The following COL19A1 variants were observed in gnomAD, a reference collection of about 807,000 sequenced individuals.
COL19A1 encodes the protein collagen type XIX alpha 1 chain.
Under a neutral mutation model 190.2 loss-of-function variants are expected in COL19A1, and 159 were observed. The ratio of observed to expected loss-of-function variants is 0.84; its 90% CI spans 0.73 to 0.95. COL19A1 has a LOEUF of 0.95. COL19A1 is among the 40% of genes least tolerant of loss of function. The pLI, the probability that COL19A1 is intolerant of heterozygous loss-of-function variation, is 0.00. For synonymous variants in COL19A1, 509 were observed against 458.9 expected (o/e 1.11, Z -1.39); for missense variants, 1,418 against 1,431.9 (o/e 0.99, Z 0.16).
At chr6:69,967,128 A>G (rs1775158928) in intron 11 of COL19A1, among the ~76,000 whole-genome samples, 1 of 152,214 alleles carries the variant, frequency 6.6e-6, no homozygotes, top group Admixed American at 6.5e-5. Flanking sequence ...GATTGTGAGA[A>G]ACATCCAGTG....
intron 9 of COL19A1, among the ~76,000 whole-genome samples, chr6:69,940,137 A>G (rs1019885073): frequency 6.6e-6 from 1 of 152,106 alleles, no homozygotes; most frequent in Non-Finnish European, 1.5e-5. Flanking sequence ...AAATCGTTAA[A>G]TCTACTTTAA....
intron 2 of COL19A1, chr6:69,890,399 A>G (rs1479658674): frequency 6.6e-6 from 1 of 152,130 alleles, no homozygotes; most frequent in Non-Finnish European, 1.5e-5. Flanking sequence ...ATTTCAGTCA[A>G]CTAATCTCCC....
At chr6:70,177,568 C>T (rs552560882) in intron 42 of COL19A1, among the ~76,000 whole-genome samples, 8 of 152,198 alleles carry the variant, frequency 5.3e-5, no homozygotes, top group Non-Finnish European at 7.3e-5. Flanking sequence ...GTCAAATATT[C>T]GTATGACTGT....
At chr6:70,198,353 A>G (rs891204458) in intron 48 of COL19A1, among the ~76,000 whole-genome samples, 4 of 152,238 alleles carry the variant, frequency 2.6e-5, no homozygotes, top group African/African-American at 9.6e-5. Flanking sequence ...TTACTACACA[A>G]AAGTGTCTTT....
At chr6:70,009,702 T>C (rs193112310) in intron 11 of COL19A1, among the ~76,000 whole-genome samples, 6 of 138,454 alleles carry the variant, frequency 4.3e-5, no homozygotes, top group Admixed American at 2.0e-4. Context: ...TTTATCATAA[T>C]GATAATCAAG....
At chr6:70,170,165 A>G (rs948555476) in intron 40 of COL19A1, among the ~76,000 whole-genome samples, 1 of 152,176 alleles carries the variant, frequency 6.6e-6, no homozygotes, top group Non-Finnish European at 1.5e-5. Context: ...TGAAATACAC[A>G]TTTAGTGTAC....
chr6:69,936,630 T>C (rs1773129591), intron 7 of COL19A1, among the ~76,000 whole-genome samples, 155 bp from the exon 8 acceptor site: 1 of 152,132 alleles, frequency 6.6e-6, no homozygotes, highest in Non-Finnish European at 1.5e-5. Context: ...TGCAAAAGTG[T>C]GATAAACATT....
intron 14 of COL19A1, among the ~76,000 whole-genome samples, chr6:70,046,292 C>T (rs1200290871): frequency 1.3e-5 from 2 of 152,290 alleles, no homozygotes; most frequent in African/African-American, 4.8e-5. Context: ...TCCCCTTGCT[C>T]TTCTTGCGTG....
chr6:69,958,248 T>G (rs1003582054), intron 9 of COL19A1, among the ~76,000 whole-genome samples: 3 of 152,146 alleles, frequency 2.0e-5, no homozygotes, highest in Admixed American at 1.3e-4. Context: ...CCCAAAAAAG[T>G]ATTTTTGGCA....
chr6:69,951,980 T>G (rs565300249), intron 9 of COL19A1, among the ~76,000 whole-genome samples: 1 of 152,004 alleles, frequency 6.6e-6, no homozygotes, highest in South Asian at 2.1e-4. Context: ...AGGTCTGAAT[T>G]AGATCTTAAA....
chr6:69,959,801 C>T (rs1774658721), intron 9 of COL19A1, among the ~76,000 whole-genome samples, 195 bp from the exon 10 acceptor site: 1 of 152,120 alleles, frequency 6.6e-6, no homozygotes, highest in Non-Finnish European at 1.5e-5. Context: ...GCCTCCATTT[C>T]CCTATTTTAA....
At chr6:69,986,221 T>TTTTA (rs1013753237) in intron 11 of COL19A1, among the ~76,000 whole-genome samples, 4 of 138,284 alleles carry the variant, frequency 2.9e-5, no homozygotes, top group African/African-American at 5.3e-5. Context: ...CTTACACGTT[T>TTTTA]TATATATATA....
At position 70,207,780 on chromosome 6, in the gene COL19A1, T is replaced by G. The variant is rs902128142; in HGVS notation, c.*506T>G. 4.6e-5 allele frequency: 7 copies of G among 152,124 alleles called. No individual in the cohort carries two copies. The highest frequency in any genetic ancestry group is 7.4e-5 in the Non-Finnish European group (5 of 68,026). The allele number at this position is 152,124 out of a possible 1,614,324, so 9.4% of individuals were successfully genotyped here. A position where few individuals can be genotyped will look rare whatever the true frequency, so the allele number is the denominator to read the frequency against. ...TGTTTTTTGACTACTTTTTATAACT[T>G]AAGAATTTTTATACCATCTACATCT... On this transcript the variant is annotated 3_prime_UTR_variant, in exon 51 of 51. Coordinates refer to ENST00000620364, the MANE Select transcript of COL19A1 (RefSeq NM_001858.6).
intron 4 of COL19A1, among the ~76,000 whole-genome samples, chr6:69,901,451 G>A (rs992430507): frequency 3.9e-5 from 6 of 152,146 alleles, no homozygotes; most frequent in Non-Finnish European, 7.4e-5. Context: ...TCAATACTTG[G>A]TAAGAAACAA....
intron 17 of COL19A1, among the ~76,000 whole-genome samples, chr6:70,122,225 GA>G (rs1444536713): frequency 6.6e-6 from 1 of 152,102 alleles, no homozygotes; most frequent in Non-Finnish European, 1.5e-5. Context: ...TAATATCATA[GA>G]TCTAGCCTCT....
intron 17 of COL19A1, among the ~76,000 whole-genome samples, chr6:70,124,678 A>G (rs1049994860): frequency 6.6e-6 from 1 of 152,168 alleles, no homozygotes; most frequent in Admixed American, 6.5e-5. Flanking sequence ...TCTTCTTGCC[A>G]TTACAGAATA....
intron 16 of COL19A1, among the ~76,000 whole-genome samples, chr6:70,115,992 TAA>T (rs891690751): frequency 6.6e-6 from 1 of 152,018 alleles, no homozygotes; most frequent in Non-Finnish European, 1.5e-5. Flanking sequence ...GAGTAAATAT[TAA>T]GACAGAGAAA....
chr6:70,147,072 T>C (rs1246129985), intron 27 of COL19A1, among the ~76,000 whole-genome samples, 183 bp downstream of exon 27: 2 of 152,178 alleles, frequency 1.3e-5, no homozygotes, highest in Non-Finnish European at 1.5e-5. Flanking sequence ...ACCCACTGTT[T>C]GTTTATTAAC....
Position 70,146,831 on chromosome 6 carries a change from G to T in COL19A1, c.1835G>T (p.Gly612Val). The T allele has an allele frequency of 6.3e-7, 1 of 1,598,542 alleles. No individual in the cohort carries two copies. Among genetic ancestry groups the T allele is most frequent in the Non-Finnish European group, 8.5e-7 (1 of 1,173,734 alleles). Residue 612 changes from glycine to valine, a missense_variant, in exon 27 of 51, where the codon GGT becomes GTT. Gly to Val is a moderately radical substitution (Grantham distance 109). Transcript: ENST00000620364. Reference protein sequence around the residue: ...RGPKGERGLPGVHGSPGDIGP... With the variant: ...RGPKGERGLPVVHGSPGDIGP... ...TCACAGGGTGAAAGAGGACTTCCAGGTGTTCACGGTTCCCCAGGGGACATA... is the reference window on the plus strand; with the variant it reads ...TCACAGGGTGAAAGAGGACTTCCAGTTGTTCACGGTTCCCCAGGGGACATA...
Sources: allele counts gnomAD v4.1 joint callset (sites outside exome capture counted in the v4.1 genomes callset), GRCh38; gene constraint gnomAD v4.1.1; transcripts MANE v1.5; gene names NCBI Gene and HGNC (gene_info 2026-07-23, HGNC 2026-07-21).